The following AP2A1 variants were observed in gnomAD, a reference collection of about 807,000 sequenced individuals.
AP2A1 encodes adaptor related protein complex 2 subunit alpha 1.
In AP2A1, 21 loss-of-function variants were observed where a neutral mutation model predicts 107.3. That is an observed-to-expected ratio of 0.20 (90% CI 0.14 to 0.28). The LOEUF (loss-of-function observed/expected upper bound fraction) is 0.28, where lower values mean the gene tolerates loss of function less well. AP2A1 is among the 10% of genes least tolerant of loss of function. The pLI is 1.00. For missense variants in AP2A1, 873 were observed against 1,307.7 expected, an observed-to-expected ratio of 0.67 and a Z score of 5.13; for synonymous variants, 602 against 564.8, an observed-to-expected ratio of 1.07 and a Z score of -0.93.
At chr19:49,800,386 C>T (rs1366417984) in intron 11 of AP2A1, among the ~76,000 whole-genome samples, 1 of 152,258 alleles carries the variant, frequency 6.6e-6, no homozygotes, top group African/African-American at 2.4e-5. Flanking sequence ...AGTGTGCAGT[C>T]CTGGCCCCCG....
At chr19:49,778,839 A>G (rs2084643572) in intron 1 of AP2A1, among the ~76,000 whole-genome samples, 1 of 151,840 alleles carries the variant, frequency 6.6e-6, no homozygotes, top group Non-Finnish European at 1.5e-5. Flanking sequence ...AAATATGTGT[A>G]TACTCTTTAT....
chr19:49,787,347 G>GTTTTTTTTTTTTTT (rs199550216), intron 4 of AP2A1, among the ~76,000 whole-genome samples: 1 of 96,182 alleles, frequency 1.0e-5, no homozygotes, highest in Admixed American at 1.1e-4. Flanking sequence ...TGTTTTTTTT[G>GTTTTTTTTTTTTTT]TTTTTTGTTT....
At position 49,767,479 on chromosome 19, in the gene AP2A1, G is replaced by A. The variant is rs150632704; in HGVS notation, c.67+279G>A. Among the ~76,000 whole-genome samples the A allele has an allele frequency of 1.4e-3, 209 of 152,096 alleles. 1 individual carries two copies. In the Middle Eastern group the frequency reaches 0.031, roughly 22 times the overall value. Reference sequence around the variant, plus strand: ...AGGTCCCGGGGATGGGAGCATAGAGGTGTCCCCTGGGAAAGACTGAAAAGC... The same window carrying A: ...AGGTCCCGGGGATGGGAGCATAGAGATGTCCCCTGGGAAAGACTGAAAAGC... On this transcript the variant is annotated intron_variant, in intron 1 of 22. Transcript: ENST00000354293.
At chr19:49,805,204 A>G (rs1368924187) in intron 18 of AP2A1, 5 of 437,224 alleles carry the variant, frequency 1.1e-5, no homozygotes, top group Non-Finnish European at 1.6e-5. Context: ...GTCAGCCTCC[A>G]GAGCTAATAC....
intron 1 of AP2A1, among the ~76,000 whole-genome samples, chr19:49,771,963 C>T (rs1006674748): frequency 1.7e-4 from 26 of 152,110 alleles, no homozygotes; most frequent in Admixed American, 1.7e-3. Context: ...CCATGGCGGG[C>T]ATCTCTATCT....
intron 1 of AP2A1, among the ~76,000 whole-genome samples, chr19:49,779,510 A>AAAAC (rs2084652658): frequency 6.6e-6 from 1 of 151,054 alleles, no homozygotes; most frequent in African/African-American, 2.4e-5. Context: ...AAAAAAAAAA[A>AAAAC]ACAGAAACAG....
chr19:49,795,090 T>C (rs766596057), intron 6 of AP2A1, among the ~76,000 whole-genome samples: 1 of 152,232 alleles, frequency 6.6e-6, no homozygotes, highest in Non-Finnish European at 1.5e-5. Flanking sequence ...CTTCAAGCCT[T>C]GTAGGGGGAC....
chr19:49,804,562 T>A (rs2073336967), intron 18 of AP2A1: 1 of 150,216 alleles, frequency 6.7e-6, no homozygotes, highest in Admixed American at 6.6e-5. Flanking sequence ...AAAAAATTCC[T>A]TCTTTCATAA....
intron 6 of AP2A1, 139 bp from the exon 7 acceptor site, chr19:49,795,491 T>C (rs2073200349): frequency 1.6e-6 from 1 of 641,018 alleles, no homozygotes; most frequent in Admixed American, 2.6e-5. Context: ...ACCCTGTCTC[T>C]ACAAAAAAAA....
At chr19:49,797,295 A>C (rs1372159089) in intron 7 of AP2A1, 3 of 152,230 alleles carry the variant, frequency 2.0e-5, no homozygotes. Flanking sequence ...CATTATGAAA[A>C]GTTTCCCAGC....
intron 5 of AP2A1, among the ~76,000 whole-genome samples, chr19:49,792,350 C>T (rs1398685500): frequency 1.4e-5 from 2 of 148,116 alleles, no homozygotes; most frequent in East Asian, 2.0e-4. Flanking sequence ...CTCACGCCCC[C>T]GGATACCCAG....
At chr19:49,794,859 C>T (rs986570669) in intron 6 of AP2A1, among the ~76,000 whole-genome samples, 21 of 152,032 alleles carry the variant, frequency 1.4e-4, no homozygotes, top group Non-Finnish European at 2.2e-4. Flanking sequence ...GATGGGGTTT[C>T]ACCATGTTGG....
chr19:49,787,365 T>C (rs1233648386), intron 4 of AP2A1, among the ~76,000 whole-genome samples: 1 of 139,056 alleles, frequency 7.2e-6, no homozygotes, highest in East Asian at 2.2e-4. Flanking sequence ...TTTTTTTTTT[T>C]TTGAGGCAGT....
intron 18 of AP2A1, 120 bp downstream of exon 18, chr19:49,803,496 C>T (rs552576297): frequency 2.6e-6 from 2 of 783,474 alleles, no homozygotes; most frequent in African/African-American, 1.7e-5. Flanking sequence ...GCAATTAGTT[C>T]TCTGAGATTG....
intron 15 of AP2A1, chr19:49,802,628 G>A: frequency 1.3e-6 from 2 of 1,518,262 alleles, no homozygotes; most frequent in South Asian, 1.3e-5. Flanking sequence ...TGGGAGGTCG[G>A]TCGGGGGGGC....
chr19:49,799,232 T>G, intron 8 of AP2A1, 95 bp from the exon 9 acceptor site: 1 of 1,416,936 alleles, frequency 7.1e-7, no homozygotes, highest in Non-Finnish European at 9.5e-7. Context: ...ACCTGGATCC[T>G]TGGGGGCTGT....
At chr19:49,782,495 A>G in intron 3 of AP2A1, 36 bp from the exon 4 acceptor site, 3 of 1,595,166 alleles carry the variant, frequency 1.9e-6, no homozygotes, top group East Asian at 2.2e-5. Context: ...ACTCAGTCAC[A>G]AGGCTCCTAG....
At chr19:49,781,275 A>G (rs1173186263) in intron 1 of AP2A1, among the ~76,000 whole-genome samples, 2 of 152,102 alleles carry the variant, frequency 1.3e-5, no homozygotes, top group South Asian at 2.1e-4. Flanking sequence ...GGGTGAGGAC[A>G]GCACCCAAGG....
intron 1 of AP2A1, among the ~76,000 whole-genome samples, chr19:49,769,069 G>C (rs1158162119): frequency 1.3e-5 from 2 of 152,094 alleles, no homozygotes; most frequent in Non-Finnish European, 2.9e-5. Flanking sequence ...GGCCAACATG[G>C]TGAAACTCCA....
Sources: gnomAD v4.1 joint callset for allele counts (sites outside exome capture counted in the v4.1 genomes callset) on GRCh38, gnomAD v4.1.1 for gene constraint, MANE v1.5 for transcripts, NCBI Gene and HGNC (gene_info 2026-07-23, HGNC 2026-07-21) for gene names.